DISC1: variants seen among roughly 807,000 people sequenced by gnomAD.
The protein encoded by DISC1 is DISC1 scaffold protein.
Under a neutral mutation model 84.5 loss-of-function variants are expected in DISC1, and 57 were observed. The ratio of observed to expected loss-of-function variants is 0.67; its 90% CI spans 0.55 to 0.84. The LOEUF (loss-of-function observed/expected upper bound fraction) is 0.84, where lower values mean the gene tolerates loss of function less well. Among genes scored for constraint, DISC1 ranks in the 40% least tolerant of loss-of-function variants. The probability of loss-of-function intolerance (pLI) is 0.00; values close to 1 mark genes in which losing one functional copy is unlikely to be tolerated. For missense variants in DISC1, 1,000 were observed against 1,057.8 expected, an observed-to-expected ratio of 0.95 and a Z score of 0.76; for synonymous variants, 411 against 415.2, an observed-to-expected ratio of 0.99 and a Z score of 0.12.
At chr1:231,745,010 G>T (rs2073806236) in intron 3 of DISC1, among the ~76,000 whole-genome samples, 1 of 146,478 alleles carries the variant, frequency 6.8e-6, no homozygotes, top group Admixed American at 7.1e-5. Flanking sequence ...TTTTATTTAT[G>T]TGCATTCTTT....
At chr1:231,742,030 C>T (rs2073348070) in intron 3 of DISC1, among the ~76,000 whole-genome samples, 1 of 152,184 alleles carries the variant, frequency 6.6e-6, no homozygotes, top group Non-Finnish European at 1.5e-5. Context: ...TGCTCAGAAC[C>T]CTTCAGTGGC....
chr1:231,658,148 G>A (rs1046703172), intron 1 of DISC1, among the ~76,000 whole-genome samples: 1 of 152,016 alleles, frequency 6.6e-6, no homozygotes, highest in South Asian at 2.1e-4. Flanking sequence ...TGTCCTGTAC[G>A]ATTTCTTTGA....
At chr1:231,680,686 A>G (rs1372044256) in intron 1 of DISC1, among the ~76,000 whole-genome samples, 5 of 152,238 alleles carry the variant, frequency 3.3e-5, no homozygotes, top group Admixed American at 2.0e-4. Flanking sequence ...GAGTATTATA[A>G]ACATTTAGCA....
chr1:232,002,595 GCACACACACACACACA>G (rs55740228), intron 10 of DISC1, among the ~76,000 whole-genome samples: 38,876 of 143,638 alleles, frequency 0.27, 5,326 homozygotes, highest in African/African-American at 0.29. Flanking sequence ...ATTATGCTGA[GCACACACACACACACA>G]CACACACACA....
At chr1:231,720,284 T>C (rs1225236583) in intron 3 of DISC1, among the ~76,000 whole-genome samples, 4 of 152,198 alleles carry the variant, frequency 2.6e-5, no homozygotes, top group Non-Finnish European at 5.9e-5. Context: ...TTGTAAGCTG[T>C]CTTCCTCTCC....
chr1:231,734,534 C>T (rs1029669502), intron 3 of DISC1, among the ~76,000 whole-genome samples: 24 of 152,262 alleles, frequency 1.6e-4, no homozygotes, highest in Admixed American at 6.5e-4. Context: ...CACACACACA[C>T]AAGCTTGCTA....
intron 9 of DISC1, among the ~76,000 whole-genome samples, chr1:231,932,470 A>G (rs771607698): frequency 3.9e-5 from 6 of 152,148 alleles, no homozygotes; most frequent in Non-Finnish European, 8.8e-5. Flanking sequence ...CCTAACACAT[A>G]GGGATTATTA....
At position 231,750,294 on chromosome 1, in the gene DISC1, C is replaced by T. The variant is rs186616839; in HGVS notation, c.1268+218C>T. ...GAAAGAAGACTTTTCTGCCACTTGA[C>T]AGAGAGAGAACCTTCTCAAGTGCAG... is the stretch of plus-strand genomic sequence containing the variant. On this transcript the variant is annotated intron_variant, in intron 4 of 12. Transcript: ENST00000439617. 458 of 1,365,644 alleles carry T rather than the reference C, an allele frequency of 3.4e-4. 4 individuals are homozygous for T. In the Middle Eastern group the frequency reaches 5.2e-3, roughly 16 times the overall value. The allele number at this position is 1,365,644 out of a possible 1,614,324, so 84.6% of individuals were successfully genotyped here.
At chr1:231,842,072 T>C (rs1379721964) in intron 9 of DISC1, among the ~76,000 whole-genome samples, 1 of 152,090 alleles carries the variant, frequency 6.6e-6, no homozygotes, top group Admixed American at 6.6e-5. Context: ...CAACCATGAC[T>C]CACTGCATCC....
At chr1:231,810,061 G>A (rs761131658) in intron 8 of DISC1, among the ~76,000 whole-genome samples, 3 of 151,996 alleles carry the variant, frequency 2.0e-5, no homozygotes, top group African/African-American at 2.4e-5. Flanking sequence ...TATATACCAC[G>A]AAAAACTACT....
chr1:231,692,466 C>A (rs2065160005), intron 1 of DISC1, among the ~76,000 whole-genome samples: 1 of 152,194 alleles, frequency 6.6e-6, no homozygotes, highest in African/African-American at 2.4e-5. Flanking sequence ...TCAATGCCAC[C>A]CCCACCCCTT....
At chr1:231,818,267 T>A in intron 8 of DISC1, 62 bp from the exon 9 acceptor site, 1 of 1,524,828 alleles carries the variant, frequency 6.6e-7, no homozygotes, top group South Asian at 1.1e-5. Context: ...CTGCTAGATC[T>A]TCCATGTGTG....
chr1:231,761,345 T>A (rs1214728930), intron 4 of DISC1, among the ~76,000 whole-genome samples: 1 of 152,210 alleles, frequency 6.6e-6, no homozygotes, highest in Non-Finnish European at 1.5e-5. Context: ...AATTATTAAA[T>A]ATAAAGGGGA....
intron 9 of DISC1, among the ~76,000 whole-genome samples, chr1:231,924,684 T>A (rs1474018574): frequency 2.7e-5 from 4 of 148,162 alleles, no homozygotes; most frequent in Admixed American, 2.0e-4. Flanking sequence ...TGAGATGGAG[T>A]CTCACTCTGT....
chr1:231,767,534 G>A (rs1321469318), intron 5 of DISC1, among the ~76,000 whole-genome samples: 2 of 152,174 alleles, frequency 1.3e-5, no homozygotes, highest in East Asian at 3.9e-4. Flanking sequence ...TGGGCTCAAA[G>A]AATCCTCCTG....
rs2125256359 is a variant in DISC1 at position 231,648,401 on chromosome 1, A to G, written c.67+21467A>G. Among the ~76,000 whole-genome samples the G allele has an allele frequency of 2.0e-5, 3 of 152,282 alleles. No individual in the cohort carries two copies. In the South Asian group the frequency reaches 6.2e-4, roughly 32 times the overall value. ...GTTGAACCAGCCTTGCATCCCAGGG[A>G]TGAAGCTGACCTGATCATGGTGGAT... On this transcript the variant is annotated intron_variant, in intron 1 of 12. Transcript: ENST00000439617.
chr1:231,978,450 C>T (rs1366450711), intron 10 of DISC1, among the ~76,000 whole-genome samples: 1 of 152,088 alleles, frequency 6.6e-6, no homozygotes, highest in Non-Finnish European at 1.5e-5. Context: ...ATTTGATTAT[C>T]TTGAGGTACA....
intron 6 of DISC1, among the ~76,000 whole-genome samples, chr1:231,781,420 A>G (rs927765673): frequency 2.0e-5 from 3 of 152,000 alleles, no homozygotes; most frequent in African/African-American, 7.2e-5. Flanking sequence ...AGACTCATCC[A>G]TTTCTCTTTT....
At chr1:232,025,238 A>T (rs1042726162) in intron 11 of DISC1, among the ~76,000 whole-genome samples, 8 of 152,168 alleles carry the variant, frequency 5.3e-5, no homozygotes, top group Non-Finnish European at 1.0e-4. Flanking sequence ...AAGAGTGGGG[A>T]AGAATGCATG....
Sources: gnomAD v4.1 joint callset for allele counts (sites outside exome capture counted in the v4.1 genomes callset) on GRCh38, gnomAD v4.1.1 for gene constraint, MANE v1.5 for transcripts, NCBI Gene and HGNC (gene_info 2026-07-23, HGNC 2026-07-21) for gene names.